DEPTOR: variants seen among roughly 807,000 people sequenced by gnomAD.
DEPTOR encodes DEP domain-containing mTOR-interacting protein.
DEPTOR carries 41 observed loss-of-function variants against 41.6 expected under a neutral mutation model. The ratio of observed to expected loss-of-function variants is 0.98; its 90% CI spans 0.77 to 1.28. DEPTOR has a LOEUF of 1.28. Among genes scored for constraint, DEPTOR ranks in the 50% most tolerant of loss-of-function variants. The pLI is 0.00. For synonymous variants in DEPTOR, 195 were observed against 192.3 expected, an observed-to-expected ratio of 1.01 and a Z score of -0.12; for missense variants, 514 against 527.9, an observed-to-expected ratio of 0.97 and a Z score of 0.26.
At chr8:119,906,074 T>A (rs771237469) in intron 1 of DEPTOR, among the ~76,000 whole-genome samples, 1 of 152,188 alleles carries the variant, frequency 6.6e-6, no homozygotes, top group Admixed American at 6.5e-5. Context: ...ATTATAGGCA[T>A]GAGCCACTGT....
intron 3 of DEPTOR, among the ~76,000 whole-genome samples, chr8:119,958,600 G>A (rs558786676): frequency 4.6e-4 from 70 of 151,948 alleles, no homozygotes; most frequent in Non-Finnish European, 7.6e-4. Context: ...TGAACAACAC[G>A]GTAAAATCCC....
chr8:119,928,497 A>G lies in DEPTOR; in HGVS notation c.220A>G (p.Ile74Val), dbSNP rs770019857. ...CGCAAAAGAACTGATTGACTGGCTG[A>G]TTGAACACAAAGAGGCTTCTGACAG... ...FVAKELIDWL[I>V]EHKEASDRET... is the part of the protein sequence containing the mutation. Residue 74 changes from isoleucine (I) to valine (V), a missense_variant, in exon 2 of 9, where the codon ATT (isoleucine) becomes GTT (valine). By Grantham distance (29) the Ile-to-Val change is conservative. Transcript: ENST00000286234. 6.2e-7 allele frequency: 1 copy of G among 1,614,088 alleles called. No homozygotes were observed. Among genetic ancestry groups the G allele is most frequent in the African/African-American group, 1.3e-5 (1 of 74,940 alleles).
At chr8:120,026,224 G>A (rs147037465) in intron 8 of DEPTOR, among the ~76,000 whole-genome samples, 172 of 151,942 alleles carry the variant, frequency 1.1e-3, no homozygotes, top group African/African-American at 4.1e-3. Context: ...AGTAGATTTC[G>A]TGGATTGCTG....
At chr8:119,965,881 T>G (rs979958093) in intron 4 of DEPTOR, among the ~76,000 whole-genome samples, 3 of 152,190 alleles carry the variant, frequency 2.0e-5, no homozygotes, top group African/African-American at 7.2e-5. Flanking sequence ...AGAGCCTTCA[T>G]AAAAGTATCA....
chr8:119,881,284 G>A (rs1366345724), intron 1 of DEPTOR, among the ~76,000 whole-genome samples: 1 of 152,178 alleles, frequency 6.6e-6, no homozygotes, highest in Non-Finnish European at 1.5e-5. Flanking sequence ...CACTCTGGGA[G>A]GCCGAGGTGG....
In DEPTOR at chr8:120,001,696, C is replaced by A. The variant is rs564611455; in HGVS notation, c.776C>A (p.Thr259Asn). ...RKQSHDNRKS[T>N]SFMSVSPSKE... ...CAGAGCCATGACAATCGGAAATCTA[C>A]CAGCTTTATGTCAGGTATGCCATCC... is the stretch of plus-strand genomic sequence containing the variant. The change falls in exon 5 of 9, where the codon ACC (threonine) becomes AAC (asparagine). Residue 259 changes from threonine to asparagine, a missense_variant. By Grantham distance (65) the Thr-to-Asn change is moderately conservative. Coordinates refer to ENST00000286234, the MANE Select transcript of DEPTOR (RefSeq NM_022783.4). 6.2e-7 allele frequency: 1 copy of A among 1,612,754 alleles called. No individual in the cohort carries two copies.
intron 1 of DEPTOR, among the ~76,000 whole-genome samples, chr8:119,887,325 A>C (rs1827380925): frequency 8.0e-6 from 1 of 124,708 alleles, no homozygotes; most frequent in South Asian, 3.0e-4. Flanking sequence ...CAGGCATGCA[A>C]CACCATAGGC....
chr8:120,031,655 C>T (rs1322999374), intron 8 of DEPTOR, among the ~76,000 whole-genome samples: 1 of 152,024 alleles, frequency 6.6e-6, no homozygotes, highest in Non-Finnish European at 1.5e-5. Flanking sequence ...ATCTCATCAA[C>T]ACAGTGATGC....
At chr8:119,884,081 A>G (rs553350479) in intron 1 of DEPTOR, among the ~76,000 whole-genome samples, 11 of 152,194 alleles carry the variant, frequency 7.2e-5, no homozygotes, top group Non-Finnish European at 1.5e-4. Flanking sequence ...TTAGAGTGAG[A>G]TGAAGTTTCT....
rs1812445591 is a variant in DEPTOR, at chr8:120,006,820, T to C, written c.941T>C (p.Val314Ala). Residue 314 changes from valine to alanine, a missense_variant, in exon 7 of 9, where the codon GTC becomes GCC. Coordinates refer to ENST00000286234, the MANE Select transcript of DEPTOR (RefSeq NM_022783.4). ...TGTCTGCCAGTGCTGAAGAGACCTG[T>C]CACCTCTGAGGAACTCCTTACTCCC... ...CNPKSVLKRP[V>A]TSEELLTPGA... is the part of the protein sequence containing the mutation. 5 of 1,614,164 alleles carry C rather than the reference T, an allele frequency of 3.1e-6. No individual in the cohort carries two copies. The highest frequency in any genetic ancestry group is 4.2e-6 in the Non-Finnish European group (5 of 1,180,020).
At chr8:120,042,567 G>A (rs1813093184) in intron 8 of DEPTOR, among the ~76,000 whole-genome samples, 1 of 152,138 alleles carries the variant, frequency 6.6e-6, no homozygotes, top group Non-Finnish European at 1.5e-5. Context: ...TGCCCAGGCT[G>A]TAGTGCAATG....
At chr8:119,928,743 CTTT>C (rs376801517) in intron 2 of DEPTOR, among the ~76,000 whole-genome samples, 165 bp downstream of exon 2, 12,533 of 128,030 alleles carry the variant, frequency 0.098, 257 homozygotes, top group South Asian at 0.21. Flanking sequence ...TGGGTTCTTT[CTTT>C]TTTTTTTTTT....
At chr8:119,944,408 C>T (rs1201908666) in intron 3 of DEPTOR, among the ~76,000 whole-genome samples, 4 of 152,138 alleles carry the variant, frequency 2.6e-5, no homozygotes, top group African/African-American at 9.7e-5. Flanking sequence ...TGGAATATGG[C>T]TGGATTATAA....
intron 1 of DEPTOR, among the ~76,000 whole-genome samples, chr8:119,925,519 C>T (rs1827952538): frequency 6.6e-6 from 1 of 152,212 alleles, no homozygotes; most frequent in Admixed American, 6.5e-5. Flanking sequence ...ATTCAATTAT[C>T]TCCACCTGGC....
intron 3 of DEPTOR, among the ~76,000 whole-genome samples, chr8:119,957,467 G>A (rs767767551): frequency 1.3e-5 from 2 of 152,138 alleles, no homozygotes; most frequent in African/African-American, 4.8e-5. Flanking sequence ...AACTGAGGAC[G>A]CTAGTTTTTC....
intron 4 of DEPTOR, among the ~76,000 whole-genome samples, chr8:119,999,676 C>G (rs892759542): frequency 2.0e-5 from 3 of 152,148 alleles, no homozygotes; most frequent in African/African-American, 7.2e-5. Context: ...ACTAAGCAGG[C>G]TTTATTATTG....
chr8:119,953,801 CT>C (rs35043841), intron 3 of DEPTOR, among the ~76,000 whole-genome samples: 64,836 of 119,474 alleles, frequency 0.54, 16,350 homozygotes, highest in Admixed American at 0.6. Context: ...CAGATAGCTT[CT>C]TTTTTTTTTT....
chr8:120,016,947 A>AAAT (rs1812621731), intron 8 of DEPTOR, among the ~76,000 whole-genome samples: 4 of 152,160 alleles, frequency 2.6e-5, no homozygotes, highest in Non-Finnish European at 5.9e-5. Flanking sequence ...TCAAACGTTC[A>AAAT]GTCTGTAACA....
At chr8:120,006,665 T>C (rs1282613743) in intron 6 of DEPTOR, 140 bp from the exon 7 acceptor site, 1 of 636,198 alleles carries the variant, frequency 1.6e-6, no homozygotes, top group Non-Finnish European at 2.8e-6. Context: ...TCCATTCAGC[T>C]AAAATATAAA....
Sources: allele counts gnomAD v4.1 joint callset (sites outside exome capture counted in the v4.1 genomes callset), GRCh38; gene constraint gnomAD v4.1.1; transcripts MANE v1.5; gene names NCBI Gene and HGNC (gene_info 2026-07-23, HGNC 2026-07-21).